Variants in FRMD3 observed in about 807,000 individuals in gnomAD.
FRMD3 encodes FERM domain containing 3, also known as FERM domain-containing protein 3.
Under a neutral mutation model 70.2 loss-of-function variants are expected in FRMD3, and 33 were observed. The observed-to-expected ratio is 0.47, with a 90% CI of 0.36 to 0.63. FRMD3 has a LOEUF of 0.63. Among genes scored for constraint, FRMD3 ranks in the 20% least tolerant of loss-of-function variants. The pLI is 0.00. For missense variants in FRMD3, 632 were observed against 711.4 expected, an observed-to-expected ratio of 0.89 and a Z score of 1.27; for synonymous variants, 279 against 255.9, an observed-to-expected ratio of 1.09 and a Z score of -0.86.
chr9:83,485,236 C>A (rs1828662703), intron 1 of FRMD3, among the ~76,000 whole-genome samples: 1 of 152,188 alleles, frequency 6.6e-6, no homozygotes, highest in African/African-American at 2.4e-5. Flanking sequence ...GTTAATAATT[C>A]TGATGTTGAA....
chr9:83,533,149 A>G (rs559047930), intron 1 of FRMD3, among the ~76,000 whole-genome samples: 1 of 152,322 alleles, frequency 6.6e-6, no homozygotes, highest in Non-Finnish European at 1.5e-5. Flanking sequence ...GCAGTGCTCC[A>G]GAGATGAAAG....
intron 6 of FRMD3, among the ~76,000 whole-genome samples, chr9:83,333,894 C>T (rs190451763): frequency 5.3e-5 from 8 of 152,252 alleles, no homozygotes; most frequent in African/African-American, 1.4e-4. Flanking sequence ...AGAACAATAG[C>T]GCCCATCTAA....
At chr9:83,515,359 A>G (rs1362265182) in intron 1 of FRMD3, among the ~76,000 whole-genome samples, 1 of 152,202 alleles carries the variant, frequency 6.6e-6, no homozygotes, top group Non-Finnish European at 1.5e-5. Context: ...TCAAGCGGAA[A>G]AAAGGATATT....
chr9:83,489,019 T>C (rs145377352), intron 1 of FRMD3, among the ~76,000 whole-genome samples: 23,144 of 133,972 alleles, frequency 0.17, 2,110 homozygotes, highest in East Asian at 0.33. Context: ...TGTGTGTGCT[T>C]GTGTGTGCGC....
In FRMD3 at chr9:83,267,236, C is replaced by A; in HGVS notation, c.1196-18720G>T. ...TGTTTTAAAGGACCTAGGCAGGACC[C>A]ACTGAATGAATCAAATGTCAGGTTC... On this transcript the variant is annotated intron_variant, in intron 13 of 13. Transcript: ENST00000304195. 4 of 1,520,720 alleles carry A rather than the reference C, an allele frequency of 2.6e-6. No individual in the cohort carries two copies. The Admixed American group carries it at 6.1e-5, about 23-fold the overall frequency. 94.2% of individuals were successfully genotyped at this position (1,520,720 alleles called of 1,614,324 possible).
At chr9:83,436,431 T>C (rs554185016) in intron 1 of FRMD3, among the ~76,000 whole-genome samples, 1 of 151,390 alleles carries the variant, frequency 6.6e-6, no homozygotes, top group East Asian at 1.9e-4. Flanking sequence ...TCACACATTT[T>C]TCCTTTGCCA....
the FRMD3 span, among the ~76,000 whole-genome samples, chr9:83,564,959 T>G: frequency 2.6e-4 from 39 of 152,330 alleles, no homozygotes; most frequent in South Asian, 1.2e-3. Context: ...AGGCAGCAGA[T>G]GTCAGAAACA....
intron 13 of FRMD3, among the ~76,000 whole-genome samples, chr9:83,252,091 A>G (rs958997855): frequency 1.2e-4 from 18 of 152,328 alleles, no homozygotes; most frequent in Non-Finnish European, 2.5e-4. Context: ...TCCAAGTTCG[A>G]AATGAAAGAA....
At chr9:83,479,987 C>T (rs1338706164) in intron 1 of FRMD3, among the ~76,000 whole-genome samples, 2 of 152,130 alleles carry the variant, frequency 1.3e-5, no homozygotes, top group Non-Finnish European at 2.9e-5. Flanking sequence ...CTTTTACATG[C>T]TTCTGGTAAG....
chr9:83,440,519 A>G (rs1410697302), intron 1 of FRMD3, among the ~76,000 whole-genome samples: 3 of 152,186 alleles, frequency 2.0e-5, no homozygotes, highest in Admixed American at 1.3e-4. Flanking sequence ...GCCATCAGCA[A>G]TTGTCACCCC....
At chr9:83,269,679 A>G (rs1833459556) in intron 13 of FRMD3, among the ~76,000 whole-genome samples, 1 of 152,164 alleles carries the variant, frequency 6.6e-6, no homozygotes, top group Middle Eastern at 3.2e-3. Flanking sequence ...GCCGCACTCT[A>G]GCCTGGGAGA....
At chr9:83,550,753 G>A in the FRMD3 span, among the ~76,000 whole-genome samples, 1 of 150,358 alleles carries the variant, frequency 6.7e-6, no homozygotes, top group South Asian at 2.1e-4. Flanking sequence ...GAATGTAATT[G>A]TCTTTCTGAT....
intron 1 of FRMD3, among the ~76,000 whole-genome samples, chr9:83,509,780 C>CGT (rs1491192084): frequency 6.7e-6 from 1 of 149,546 alleles, no homozygotes; most frequent in Non-Finnish European, 1.5e-5. Flanking sequence ...AATACGCACA[C>CGT]GCGCGCGCAC....
intron 1 of FRMD3, among the ~76,000 whole-genome samples, chr9:83,530,090 A>C (rs922026163): frequency 6.6e-5 from 10 of 152,218 alleles, no homozygotes; most frequent in African/African-American, 2.4e-4. Context: ...AGTTATTCAA[A>C]AGATTAAACA....
chr9:83,538,123 G>A lies in FRMD3; in HGVS notation c.109C>T (p.Arg37Trp), dbSNP rs756984550. Residue 37 changes from arginine to tryptophan, a missense_variant, in exon 1 of 14, where the codon CGG becomes TGG. Arg to Trp is a moderately radical substitution (Grantham distance 101). Transcript: ENST00000304195. The surrounding 1 kb of genome is among the most constrained non-coding windows in gnomAD (Gnocchi z 4.7). ...GAGATCTCCGAGTCGTCCAGCAGCC[G>A]GATGGTGCATCTCATCTCCTGGCTG... ...SLSQEMRCTI[R>W]LLDDSEISCH... 7 of 1,613,436 alleles carry A rather than the reference G, an allele frequency of 4.3e-6. No homozygotes were observed. The African/African-American group carries it at 6.7e-5, about 15-fold the overall frequency.
chr9:83,415,090 G>A (rs1045578958), intron 1 of FRMD3, among the ~76,000 whole-genome samples: 1 of 152,216 alleles, frequency 6.6e-6, no homozygotes, highest in African/African-American at 2.4e-5. Flanking sequence ...ACCTCTGGAG[G>A]AGTGATCACT....
At chr9:83,306,598 C>A (rs1289578181) in intron 10 of FRMD3, among the ~76,000 whole-genome samples, 1 of 151,316 alleles carries the variant, frequency 6.6e-6, no homozygotes, top group Non-Finnish European at 1.5e-5. Flanking sequence ...TAGCTTTTTT[C>A]TTTTTTTTTC....
At chr9:83,349,846 A>C in intron 3 of FRMD3, 89 bp from the exon 4 acceptor site, 23 of 964,758 alleles carry the variant, frequency 2.4e-5, no homozygotes, top group Non-Finnish European at 3.7e-5. Flanking sequence ...GCAGCCTGAC[A>C]GACTAGCCTG....
chr9:83,493,605 T>C, intron 1 of FRMD3, among the ~76,000 whole-genome samples: 1 of 152,194 alleles, frequency 6.6e-6, no homozygotes, highest in East Asian at 1.9e-4. Flanking sequence ...ATAGGTGGTT[T>C]TGTTTGTTTG....
Sources: gnomAD v4.1 joint callset for allele counts (sites outside exome capture counted in the v4.1 genomes callset) on GRCh38, gnomAD v4.1.1 for gene constraint, Gnocchi (gnomAD v3.1) non-coding constraint, MANE v1.5 for transcripts, NCBI Gene and HGNC (gene_info 2026-07-23, HGNC 2026-07-21) for gene names.